CHRM3: variants seen among roughly 807,000 people sequenced by gnomAD.
CHRM3 encodes the protein cholinergic receptor muscarinic 3.
Under a neutral mutation model 41.8 loss-of-function variants are expected in CHRM3, and 11 were observed. The observed-to-expected ratio is 0.26, with a 90% CI of 0.17 to 0.44. The LOEUF (loss-of-function observed/expected upper bound fraction) is 0.44. CHRM3 is among the 20% of genes least tolerant of loss of function. The pLI, the probability that CHRM3 is intolerant of heterozygous loss-of-function variation, is 1.00. For missense variants in CHRM3, 571 were observed against 745.4 expected, an observed-to-expected ratio of 0.77 and a Z score of 2.72; for synonymous variants, 297 against 301.4, an observed-to-expected ratio of 0.99 and a Z score of 0.15.
chr1:239,539,035 A>G (rs571722262), intron 2 of CHRM3, among the ~76,000 whole-genome samples: 1 of 152,348 alleles, frequency 6.6e-6, no homozygotes, highest in South Asian at 2.1e-4. Flanking sequence ...TTTATCCAGA[A>G]TATCACCATT....
chr1:239,473,562 C>T (rs1666274557), intron 1 of CHRM3, among the ~76,000 whole-genome samples: 1 of 152,080 alleles, frequency 6.6e-6, no homozygotes, highest in Non-Finnish European at 1.5e-5. Flanking sequence ...AGCAGTTTTA[C>T]TCCTTGATAT....
chr1:239,594,949 C>T (rs1458506622), intron 3 of CHRM3, among the ~76,000 whole-genome samples: 4 of 152,230 alleles, frequency 2.6e-5, no homozygotes, highest in East Asian at 1.9e-4. Context: ...ATTAGCCGGG[C>T]GTGGTGGCAC....
chr1:239,573,136 G>A (rs1661988390), intron 3 of CHRM3, among the ~76,000 whole-genome samples: 1 of 152,106 alleles, frequency 6.6e-6, no homozygotes, highest in South Asian at 2.1e-4. Flanking sequence ...CCACGAGGCT[G>A]CCTAGTTCCT....
At chr1:239,722,573 A>G (rs531465030) in intron 5 of CHRM3, among the ~76,000 whole-genome samples, 2 of 152,000 alleles carry the variant, frequency 1.3e-5, no homozygotes, top group Non-Finnish European at 2.9e-5. Flanking sequence ...TCTTCATTGC[A>G]TTATTACTCA....
At chr1:239,773,340 A>G (rs1386918661) in intron 5 of CHRM3, among the ~76,000 whole-genome samples, 1 of 152,198 alleles carries the variant, frequency 6.6e-6, no homozygotes, top group African/African-American at 2.4e-5. Context: ...AGCTGCAATT[A>G]ATAAAATACC....
At chr1:239,486,376 G>A (rs761778930) in intron 1 of CHRM3, among the ~76,000 whole-genome samples, 4 of 152,058 alleles carry the variant, frequency 2.6e-5, no homozygotes, top group Admixed American at 6.6e-5. Flanking sequence ...AACTTGTACC[G>A]CCACAAACCC....
intron 5 of CHRM3, among the ~76,000 whole-genome samples, chr1:239,746,642 G>A (rs10802802): frequency 0.34 from 51,263 of 152,084 alleles, 10,399 homozygotes; most frequent in Middle Eastern, 0.49. Context: ...TCAGGATGTA[G>A]GTATAAGTTT....
Position 239,888,683 on chromosome 1 carries a change from C to T in CHRM3, c.-19-18750C>T, listed in dbSNP as rs147106591. 2.0e-3 allele frequency among the ~76,000 whole-genome samples: 299 copies of T among 152,198 alleles called. No individual in the cohort carries two copies. The Middle Eastern group carries it at 0.027, about 14-fold the overall frequency. On this transcript the variant is annotated intron_variant, in intron 6 of 6. Coordinates refer to ENST00000676153, the MANE Select transcript of CHRM3 (RefSeq NM_001375978.1). Reference sequence around the variant, plus strand: ...TTGCATCAATTCTGATGCAATTGCCCGATGCCTTCATGGGGAGAAACCAAG... The same window carrying T: ...TTGCATCAATTCTGATGCAATTGCCTGATGCCTTCATGGGGAGAAACCAAG...
At chr1:239,465,802 T>C (rs1262228751) in intron 1 of CHRM3, among the ~76,000 whole-genome samples, 1 of 152,110 alleles carries the variant, frequency 6.6e-6, no homozygotes, top group Non-Finnish European at 1.5e-5. Flanking sequence ...AGAATTTTTT[T>C]TCAGTAAACG....
chr1:239,689,488 TAGC>T, intron 5 of CHRM3, among the ~76,000 whole-genome samples: 1 of 152,282 alleles, frequency 6.6e-6, no homozygotes, highest in Non-Finnish European at 1.5e-5. Context: ...GATTACAAAA[TAGC>T]AGCGTTTGTG....
At chr1:239,541,569 T>TG (rs766348902) in intron 2 of CHRM3, among the ~76,000 whole-genome samples, 5 of 152,130 alleles carry the variant, frequency 3.3e-5, no homozygotes, top group Non-Finnish European at 5.9e-5. Context: ...TGGAGTGCAG[T>TG]GGCGTGATTA....
chr1:239,538,722 A>G (rs1244408179), intron 2 of CHRM3, among the ~76,000 whole-genome samples: 1 of 152,230 alleles, frequency 6.6e-6, no homozygotes, highest in Non-Finnish European at 1.5e-5. Flanking sequence ...TTAATAGCCA[A>G]TAAATATAAA....
intron 3 of CHRM3, among the ~76,000 whole-genome samples, chr1:239,597,092 C>T (rs1369394185): frequency 6.6e-6 from 1 of 151,950 alleles, no homozygotes; most frequent in Non-Finnish European, 1.5e-5. Context: ...AAACCAAAAG[C>T]CTATATGGGT....
At chr1:239,646,265 A>G (rs566597596) in intron 4 of CHRM3, among the ~76,000 whole-genome samples, 18 of 152,348 alleles carry the variant, frequency 1.2e-4, no homozygotes, top group Admixed American at 2.6e-4. Context: ...GAGACAGACC[A>G]TTTAGCTGAT....
At chr1:239,481,583 T>G (rs1160483334) in intron 1 of CHRM3, among the ~76,000 whole-genome samples, 1 of 152,244 alleles carries the variant, frequency 6.6e-6, no homozygotes, top group Non-Finnish European at 1.5e-5. Context: ...GGCACTAATA[T>G]TTGTTGAACT....
At position 239,748,978 on chromosome 1, in the gene CHRM3, G is replaced by A. The variant is rs1271969221; in HGVS notation, c.-147+70690G>A. ...TATCAGTACTGAAATGCTCAGGAAA[G>A]ACGGCTTCTCATTATGGTGCAGGTA... is the stretch of plus-strand genomic sequence containing the variant. On this transcript the variant is annotated intron_variant, in intron 5 of 6. Coordinates refer to ENST00000676153, the MANE Select transcript of CHRM3 (RefSeq NM_001375978.1). This position sits in a 1 kb window ranked among gnomAD's most constrained non-coding sequence, Gnocchi z 4.3. Among the ~76,000 whole-genome samples, 2 of 152,194 alleles carry A rather than the reference G, an allele frequency of 1.3e-5. No individual in the cohort carries two copies. Among genetic ancestry groups the A allele is most frequent in the Admixed American group, 1.3e-4 (2 of 15,278 alleles).
intron 1 of CHRM3, among the ~76,000 whole-genome samples, chr1:239,465,786 T>G (rs539188195): frequency 6.6e-6 from 1 of 152,274 alleles, no homozygotes; most frequent in South Asian, 2.1e-4. Flanking sequence ...TGGGTTCACT[T>G]ACGTGAGAAT....
At chr1:239,805,876 C>T (rs1263973107) in intron 5 of CHRM3, among the ~76,000 whole-genome samples, 1 of 152,114 alleles carries the variant, frequency 6.6e-6, no homozygotes, top group East Asian at 1.9e-4. Flanking sequence ...CACTTGATTT[C>T]CCTTCTTGGT....
At chr1:239,529,901 T>C (rs2148320999) in intron 2 of CHRM3, among the ~76,000 whole-genome samples, 1 of 151,960 alleles carries the variant, frequency 6.6e-6, no homozygotes, top group Non-Finnish European at 1.5e-5. Context: ...ATTATTATTA[T>C]TATTATTTTT....
Sources: gnomAD v4.1 joint callset for allele counts (sites outside exome capture counted in the v4.1 genomes callset) on GRCh38, gnomAD v4.1.1 for gene constraint, Gnocchi (gnomAD v3.1) non-coding constraint, MANE v1.5 for transcripts, NCBI Gene and HGNC (gene_info 2026-07-23, HGNC 2026-07-21) for gene names.